The following ERBB4 variants were observed in gnomAD, a reference collection of about 807,000 sequenced individuals.
ERBB4 encodes receptor tyrosine-protein kinase erbB-4.
A neutral mutation model predicts 158.0 loss-of-function variants in ERBB4; 42 were observed. That is an observed-to-expected ratio of 0.27 (90% CI 0.21 to 0.34). ERBB4 has a LOEUF of 0.34. Among genes scored for constraint, ERBB4 ranks in the 10% least tolerant of loss-of-function variants. ERBB4 has a pLI of 1.00. For missense variants in ERBB4, 1,333 were observed against 1,624.1 expected (o/e 0.82, Z 3.08); for synonymous variants, 583 against 558.7 (o/e 1.04, Z -0.61).
chr2:212,020,789 A>G (rs960251570), intron 2 of ERBB4, among the ~76,000 whole-genome samples: 4 of 152,130 alleles, frequency 2.6e-5, no homozygotes, highest in African/African-American at 9.6e-5. Context: ...TCAACATGCA[A>G]TTGGTATCAC....
At chr2:211,956,323 TA>T (rs1346640297) in intron 2 of ERBB4, among the ~76,000 whole-genome samples, 1 of 152,088 alleles carries the variant, frequency 6.6e-6, no homozygotes, top group Non-Finnish European at 1.5e-5. Context: ...AGAGCTGAAG[TA>T]AAAAGAAATT....
At chr2:211,966,451 AG>A (rs762169887) in intron 2 of ERBB4, among the ~76,000 whole-genome samples, 234 of 152,174 alleles carry the variant, frequency 1.5e-3, no homozygotes, top group Non-Finnish European at 2.6e-3. Context: ...TGTGTTGGCC[AG>A]GCTGGTCTCA....
intron 1 of ERBB4, among the ~76,000 whole-genome samples, chr2:212,488,318 C>A (rs1274258570): frequency 8.6e-6 from 1 of 115,778 alleles, no homozygotes; most frequent in Non-Finnish European, 1.8e-5. Context: ...TTTCCTCGCT[C>A]CTCTCTCTCT....
At chr2:212,522,312 T>C (rs949505570) in intron 1 of ERBB4, among the ~76,000 whole-genome samples, 5 of 152,104 alleles carry the variant, frequency 3.3e-5, no homozygotes, top group African/African-American at 9.6e-5. Flanking sequence ...CCTGATACAG[T>C]TGGCCTTTAA....
chr2:212,378,706 G>T (rs982315309), intron 1 of ERBB4, among the ~76,000 whole-genome samples: 2 of 151,576 alleles, frequency 1.3e-5, no homozygotes, highest in African/African-American at 4.8e-5. Flanking sequence ...TCTGAAGTTT[G>T]GTCACTATTA....
At chr2:211,868,124 T>A (rs1478909233) in intron 3 of ERBB4, among the ~76,000 whole-genome samples, 1 of 152,198 alleles carries the variant, frequency 6.6e-6, no homozygotes, top group Non-Finnish European at 1.5e-5. Context: ...AGATTTTAAG[T>A]CAGATTTCTT....
At chr2:211,450,574 T>C (rs1466879618) in intron 20 of ERBB4, among the ~76,000 whole-genome samples, 1 of 152,120 alleles carries the variant, frequency 6.6e-6, no homozygotes, top group Non-Finnish European at 1.5e-5. Context: ...ACTATCAACA[T>C]TACTTAATGT....
chr2:211,869,483 C>T (rs552754552), intron 3 of ERBB4, among the ~76,000 whole-genome samples: 16 of 152,130 alleles, frequency 1.1e-4, no homozygotes, highest in Non-Finnish European at 2.4e-4. Flanking sequence ...CATTTTATCA[C>T]CTAGCAGAAT....
At chr2:211,385,960 A>C (rs2062675809) in intron 27 of ERBB4, among the ~76,000 whole-genome samples, 1 of 152,222 alleles carries the variant, frequency 6.6e-6, no homozygotes, top group South Asian at 2.1e-4. Flanking sequence ...TAAAAATTTT[A>C]TCTAGACAGA....
chr2:211,621,047 T>C (rs2069581658), intron 18 of ERBB4, among the ~76,000 whole-genome samples: 1 of 152,084 alleles, frequency 6.6e-6, no homozygotes. Context: ...CCCAGGAGGT[T>C]GAGGCTACGG....
At chr2:212,398,118 GTGTGTA>G (rs1468388924) in intron 1 of ERBB4, among the ~76,000 whole-genome samples, 4 of 120,120 alleles carry the variant, frequency 3.3e-5, no homozygotes, top group African/African-American at 1.0e-4. Context: ...GTGTGTGTGT[GTGTGTA>G]TATATATACA....
chr2:212,363,059 T>G (rs1376625345), intron 1 of ERBB4, among the ~76,000 whole-genome samples: 2 of 151,416 alleles, frequency 1.3e-5, no homozygotes, highest in East Asian at 3.9e-4. Flanking sequence ...TTTAGCAGTT[T>G]GGTATATATC....
chr2:211,800,763 T>C (rs2076483042), intron 3 of ERBB4, among the ~76,000 whole-genome samples: 1 of 151,308 alleles, frequency 6.6e-6, no homozygotes, highest in East Asian at 1.9e-4. Flanking sequence ...CAAAAGTAGA[T>C]GCAGAGGAAA....
chr2:211,849,427 T>C (rs17335959), intron 3 of ERBB4, among the ~76,000 whole-genome samples: 1,694 of 152,036 alleles, frequency 0.011, 16 homozygotes, highest in Non-Finnish European at 0.018. Context: ...ATTAAAGCAA[T>C]TTCAATGAAA....
At chr2:211,948,678 T>TA (rs368084761) in intron 2 of ERBB4, among the ~76,000 whole-genome samples, 3,093 of 151,928 alleles carry the variant, frequency 0.02, 38 homozygotes, top group Non-Finnish European at 0.032. Flanking sequence ...CTAAAAATGA[T>TA]AAAAAAAATA....
chr2:212,017,754 G>A (rs540843410), intron 2 of ERBB4, among the ~76,000 whole-genome samples: 14 of 152,108 alleles, frequency 9.2e-5, no homozygotes, highest in Non-Finnish European at 1.6e-4. Context: ...CTGGCCTACA[G>A]TGGATATATC....
chr2:212,073,725 A>G (rs111470056), intron 2 of ERBB4, among the ~76,000 whole-genome samples: 1,972 of 152,092 alleles, frequency 0.013, 22 homozygotes, highest in Middle Eastern at 0.027. Context: ...TCAGTGAGAG[A>G]CAAACAATAT....
chr2:212,064,751 G>C (rs1247577392), intron 2 of ERBB4, among the ~76,000 whole-genome samples: 1 of 151,996 alleles, frequency 6.6e-6, no homozygotes, highest in Non-Finnish European at 1.5e-5. Context: ...GGAAGGATTT[G>C]AGTACAAAGC....
rs142013456 is a variant in ERBB4, at chr2:211,982,710, G to A, written c.235-35094C>T. 4.1e-3 allele frequency among the ~76,000 whole-genome samples: 628 copies of A among 152,280 alleles called. 4 individuals are homozygous for A. The highest frequency in any genetic ancestry group is 0.014 in the African/African-American group (598 of 41,574). The stretch of plus-strand genomic sequence containing the variant: ...GCTCTGACCCTTTATCCTTGGCCAG[G>A]CTGTTTTGCCACTTCATAGAGGTCC... On this transcript the variant is annotated intron_variant, in intron 2 of 27. Coordinates refer to ENST00000342788, the MANE Select transcript of ERBB4 (RefSeq NM_005235.3).
Sources: gnomAD v4.1 joint callset for allele counts (sites outside exome capture counted in the v4.1 genomes callset) on GRCh38, gnomAD v4.1.1 for gene constraint, MANE v1.5 for transcripts, NCBI Gene and HGNC (gene_info 2026-07-23, HGNC 2026-07-21) for gene names.